Variants in IFI27 observed in about 807,000 individuals in gnomAD.
IFI27 encodes the protein interferon alpha inducible protein 27, also known as interferon alpha-inducible protein 27, mitochondrial.
Under a neutral mutation model 8.9 loss-of-function variants are expected in IFI27, and 3 were observed. The observed-to-expected ratio is 0.34, with a 90% confidence interval of 0.15 to 0.87. The LOEUF is 0.87. Ranked by LOEUF, IFI27 falls within the 40% of genes least tolerant of loss-of-function variation. The probability of loss-of-function intolerance (pLI) is 0.51; values close to 1 mark genes in which losing one functional copy is unlikely to be tolerated. For synonymous variants in IFI27, 66 were observed against 67.3 expected (o/e 0.98, Z 0.09); for missense variants, 152 against 157.7 (o/e 0.96, Z 0.19).
chr14:94,115,009 G>A, intron 3 of IFI27, 129 bp downstream of exon 3: 1 of 826,788 alleles, frequency 1.2e-6, no homozygotes, highest in South Asian at 1.4e-5. Context: ...GGGATGAGGG[G>A]CTAAGTATGA....
upstream of IFI27, among the ~76,000 whole-genome samples, chr14:94,109,542 G>C (rs1887090150): frequency 1.3e-5 from 2 of 152,186 alleles, no homozygotes; most frequent in African/African-American, 4.8e-5. Context: ...TTATGGTCAG[G>C]TTCCTGCAGT....
At chr14:94,112,434 A>G (rs1247736057) in intron 2 of IFI27, among the ~76,000 whole-genome samples, 1 of 152,156 alleles carries the variant, frequency 6.6e-6, no homozygotes, top group Non-Finnish European at 1.5e-5. Flanking sequence ...ACTGAGAACC[A>G]TATTCTTGAG....
At position 94,116,328 on chromosome 14, in the gene IFI27, T is replaced by G. The variant is rs1468108059; in HGVS notation, c.284-114T>G. ...AAACAGAGAGGGGAACTGGGTGGGGTCTGTAAGCCTCAGCCCCTGCTGAGG... is the reference window on the plus strand; with the variant it reads ...AAACAGAGAGGGGAACTGGGTGGGGGCTGTAAGCCTCAGCCCCTGCTGAGG... On this transcript the variant is annotated intron_variant, in intron 4 of 4. Transcript: ENST00000621160. This position sits in a 1 kb window ranked among gnomAD's most constrained non-coding sequence, Gnocchi z 4.3. The G allele has an allele frequency of 4.1e-6, 3 of 731,988 alleles. No homozygotes were observed. In the African/African-American group the frequency reaches 5.3e-5, roughly 13 times the overall value. The allele number at this position is 731,988 out of a possible 1,614,324, so 45.3% of individuals were successfully genotyped here.
At position 94,114,501 on chromosome 14, in the gene IFI27, A is replaced by G. The variant is rs1887312658; in HGVS notation, c.92-350A>G. 5.4e-5 allele frequency: 17 copies of G among 317,218 alleles called. No homozygotes were observed. In the South Asian group the frequency reaches 8.3e-4, roughly 15 times the overall value. The allele number at this position is 317,218 out of a possible 1,614,324, so 19.7% of individuals were successfully genotyped here. On this transcript the variant is annotated intron_variant, in intron 2 of 4. Coordinates refer to ENST00000621160, the Ensembl canonical transcript of IFI27. Reference sequence around the variant, plus strand: ...GTAGCATGCCTTCCTAGCCACATCTATGAGGTTTTGTTCATTTTCATTCTG... The same window carrying G: ...GTAGCATGCCTTCCTAGCCACATCTGTGAGGTTTTGTTCATTTTCATTCTG...
rs1887178787 is a variant in IFI27 at position 94,111,417 on chromosome 14, C to G, written c.-58-208C>G. 6.6e-6 allele frequency among the ~76,000 whole-genome samples: 1 copy of G among 152,134 alleles called. No homozygotes were observed. The highest frequency in any genetic ancestry group is 1.5e-5 in the Non-Finnish European group (1 of 68,022). On this transcript the variant is annotated intron_variant, in intron 1 of 4. Transcript: ENST00000621160. The surrounding 1 kb of genome is among the most constrained non-coding windows in gnomAD (Gnocchi z 4.3). ...GCCCCCCTGGGGAAATAAAGTCCCT[C>G]AGGGCCCTGACCTAACACAGGTCCT...
chr14:94,116,428 C>T lies in IFI27; in HGVS notation c.284-14C>T, dbSNP rs754139265. ...AGGCATGTCCCACTCTGTCCACCCT[C>T]TGCTTCTTCCCAGGAGCAACTGGAC... On this transcript the variant is annotated splice_polypyrimidine_tract_variant and intron_variant, in intron 4 of 4. Transcript: ENST00000621160. The surrounding 1 kb of genome is among the most constrained non-coding windows in gnomAD (Gnocchi z 4.3). 5 of 1,598,224 alleles carry T rather than the reference C, an allele frequency of 3.1e-6. No homozygotes were observed. Among genetic ancestry groups the T allele is most frequent in the Non-Finnish European group, 4.3e-6 (5 of 1,168,344 alleles).
At chr14:94,112,600 T>A (rs1223636708) in intron 2 of IFI27, among the ~76,000 whole-genome samples, 3 of 152,244 alleles carry the variant, frequency 2.0e-5, no homozygotes. Context: ...CAGGCTTGAA[T>A]GGGGGCACAG....
chr14:94,115,192 C>T (rs1325328887), intron 3 of IFI27: 6 of 650,576 alleles, frequency 9.2e-6, no homozygotes, highest in Non-Finnish European at 1.7e-5. Context: ...GCTCCTGTTT[C>T]CTCTCCAGAG....
At chr14:94,106,926 C>G (rs566608950), upstream of IFI27, among the ~76,000 whole-genome samples, 13 of 152,212 alleles carry the variant, frequency 8.5e-5, no homozygotes, top group African/African-American at 3.1e-4. Context: ...CGAAACACCC[C>G]CGACTAGGCC....
At chr14:94,115,300 C>T (rs1409429910) in intron 3 of IFI27, 3 of 527,722 alleles carry the variant, frequency 5.7e-6, no homozygotes, top group Non-Finnish European at 1.1e-5. Flanking sequence ...TGCCAGGGCT[C>T]AGCTCCCTTT....
At chr14:94,115,144 C>G (rs974831334) in intron 3 of IFI27, among the ~76,000 whole-genome samples, 4 of 152,230 alleles carry the variant, frequency 2.6e-5, no homozygotes, top group Non-Finnish European at 5.9e-5. Context: ...GCAGAACATT[C>G]ACCATGTGAC....
At chr14:94,108,579 G>A (rs1046057993), upstream of IFI27, among the ~76,000 whole-genome samples, 1 of 152,204 alleles carries the variant, frequency 6.6e-6, no homozygotes, top group Non-Finnish European at 1.5e-5. Context: ...TGGTACTGAT[G>A]TAGTAGCTGC....
Position 94,115,779 on chromosome 14 carries a change from A to AGTTGTG in IFI27, c.122_127dup, listed in dbSNP as rs1887367731. ...CACCGACCCAGCTCCTCTTCCCTGC[A>AGTTGTG]GTTGTGGCCATGGCGGCTGTGCCCA... On this transcript the variant is annotated splice_acceptor_variant, in intron 3 of 4. Transcript: ENST00000621160. LOFTEE classifies it high-confidence loss of function. 6.3e-7 allele frequency: 1 copy of AGTTGTG among 1,587,734 alleles called. No individual in the cohort carries two copies. The highest frequency in any genetic ancestry group is 8.6e-7 in the Non-Finnish European group (1 of 1,167,558).
rs987217985 is a variant in IFI27, at chr14:94,116,469, A to C, written c.311A>C (p.Lys104Thr). 3 of 1,613,410 alleles carry C rather than the reference A, an allele frequency of 1.9e-6. 1 individual carries two copies. The highest frequency in any genetic ancestry group is 2.2e-5 in the South Asian group (2 of 90,794). The stretch of plus-strand genomic sequence containing the variant: ...GCAACTGGACTCTCCGGATTGACCA[A>C]GTTCATCCTGGGCTCCATTGGGTCT... Residue 104 changes from lysine to threonine, a missense_variant, in exon 5 of 5, where the codon AAG (lysine) becomes ACG (threonine). By Grantham distance (78) the Lys-to-Thr change is moderately conservative (BLOSUM62 -1). Transcript: ENST00000621160. This position sits in a 1 kb window ranked among gnomAD's most constrained non-coding sequence, Gnocchi z 4.3.
At chr14:94,110,069 T>C (rs1051894401), upstream of IFI27, among the ~76,000 whole-genome samples, 1 of 152,236 alleles carries the variant, frequency 6.6e-6, no homozygotes, top group Admixed American at 6.5e-5. Flanking sequence ...GCCCACCTGC[T>C]GAGGCCACAC....
intron 2 of IFI27, among the ~76,000 whole-genome samples, chr14:94,112,697 C>T (rs1472215253): frequency 3.3e-5 from 5 of 152,284 alleles, no homozygotes; most frequent in Non-Finnish European, 5.9e-5. Flanking sequence ...CTGACCCTGT[C>T]ATCCTCAGCT....
chr14:94,116,567 G>C lies in IFI27; in HGVS notation c.*40G>C. 6.6e-7 allele frequency: 1 copy of C among 1,521,232 alleles called. No individual in the cohort carries two copies. The highest frequency in any genetic ancestry group is 9.1e-7 in the Non-Finnish European group (1 of 1,104,386). 94.2% of individuals were successfully genotyped at this position (1,521,232 alleles called of 1,614,324 possible). A position where few individuals can be genotyped will look rare whatever the true frequency, so the allele number is the denominator to read the frequency against. On this transcript the variant is annotated 3_prime_UTR_variant, in exon 5 of 5. Transcript: ENST00000621160. The surrounding 1 kb of genome is among the most constrained non-coding windows in gnomAD (Gnocchi z 4.3). ...CCCTGCAGAGAAGAGAACCATGCCA[G>C]GGGAGAAGGCACCCAGCCATCCTGA... is the stretch of plus-strand genomic sequence containing the variant.
chr14:94,111,488 A>C lies in IFI27; in HGVS notation c.-58-137A>C. The C allele has an allele frequency of 3.4e-6, 2 of 593,930 alleles. No homozygotes were observed. Among genetic ancestry groups the C allele is most frequent in the Middle Eastern group, 2.8e-4 (1 of 3,554 alleles). The allele number at this position is 593,930 out of a possible 1,614,324, so 36.8% of individuals were successfully genotyped here. A position where few individuals can be genotyped will look rare whatever the true frequency, so the allele number is the denominator to read the frequency against. On this transcript the variant is annotated intron_variant, in intron 1 of 4. Transcript: ENST00000621160. The surrounding 1 kb of genome is among the most constrained non-coding windows in gnomAD (Gnocchi z 4.3). Reference sequence around the variant, plus strand: ...ACATCCCTCCCTCCCTCACCCCAGGATCCTTTCAAGGCCTGCTGCTCCACA... The same window carrying C: ...ACATCCCTCCCTCCCTCACCCCAGGCTCCTTTCAAGGCCTGCTGCTCCACA...
At chr14:94,112,014 G>T in intron 2 of IFI27, 3 of 590,652 alleles carry the variant, frequency 5.1e-6, no homozygotes, top group South Asian at 4.0e-5. Flanking sequence ...TCTGGGCCCG[G>T]GCCTCCTCCT....
Sources: gnomAD v4.1 joint callset for allele counts (sites outside exome capture counted in the v4.1 genomes callset) on GRCh38, gnomAD v4.1.1 for gene constraint, Gnocchi (gnomAD v3.1) non-coding constraint, MANE v1.5 for transcripts, NCBI Gene and HGNC (gene_info 2026-07-23, HGNC 2026-07-21) for gene names.